Variants in ATP11A observed in about 807,000 individuals in gnomAD.
ATP11A encodes phospholipid-transporting ATPase IH.
A neutral mutation model predicts 154.4 loss-of-function variants in ATP11A; 81 were observed. The observed-to-expected ratio is 0.52, with a 90% CI of 0.44 to 0.63. The LOEUF is 0.63. Among genes scored for constraint, ATP11A ranks in the 30% least tolerant of loss-of-function variants. The probability of loss-of-function intolerance (pLI) is 0.00; values close to 1 mark genes in which losing one functional copy is unlikely to be tolerated. For missense variants in ATP11A, 1,316 were observed against 1,474.3 expected (o/e 0.89, Z 1.76); for synonymous variants, 623 against 585.9 (o/e 1.06, Z -0.91).
chr13:112,700,314 G>A (rs1234554040), intron 1 of ATP11A, among the ~76,000 whole-genome samples: 1 of 152,182 alleles, frequency 6.6e-6, no homozygotes, highest in Non-Finnish European at 1.5e-5. Context: ...AGGCACCCGT[G>A]GTCCGTGCTG....
intron 16 of ATP11A, among the ~76,000 whole-genome samples, chr13:112,839,024 A>G (rs1017058881): frequency 3.4e-4 from 51 of 152,114 alleles, no homozygotes; most frequent in African/African-American, 1.2e-3. Flanking sequence ...CAGCCCCAAC[A>G]GGGGCCTCCC....
At chr13:112,715,771 GT>G (rs1410926348) in intron 1 of ATP11A, among the ~76,000 whole-genome samples, 1 of 151,886 alleles carries the variant, frequency 6.6e-6, no homozygotes, top group Non-Finnish European at 1.5e-5. Flanking sequence ...ATTCGCACCT[GT>G]TTCTGTGTTG....
At chr13:112,782,824 A>G (rs1424272433) in intron 1 of ATP11A, among the ~76,000 whole-genome samples, 2 of 152,212 alleles carry the variant, frequency 1.3e-5, no homozygotes, top group Non-Finnish European at 2.9e-5. Context: ...CCACGACCCA[A>G]GGTCGCGCTG....
intron 5 of ATP11A, among the ~76,000 whole-genome samples, chr13:112,815,879 T>C (rs929010953): frequency 6.6e-6 from 1 of 152,216 alleles, no homozygotes; most frequent in Non-Finnish European, 1.5e-5. Context: ...GTGTTTTTGC[T>C]GCGGAAGTTA....
At position 112,881,863 on chromosome 13, in the gene ATP11A, T is replaced by C. The variant is rs2080894388; in HGVS notation, c.*10-13T>C. The C allele has an allele frequency of 1.5e-6, 2 of 1,367,622 alleles. No individual in the cohort carries two copies. The highest frequency in any genetic ancestry group is 1.9e-5 in the Admixed American group (1 of 52,572). The allele number at this position is 1,367,622 out of a possible 1,614,324, so 84.7% of individuals were successfully genotyped here. On this transcript the variant is annotated splice_polypyrimidine_tract_variant and intron_variant, in intron 29 of 29. Transcript: ENST00000375645. ...ACCGCGACTCAGAATTCACCCCTCT[T>C]GCCTCTCTGCAGAGCCCAGGCTACC...
At chr13:112,775,288 C>T (rs1480086643) in intron 1 of ATP11A, among the ~76,000 whole-genome samples, 2 of 152,272 alleles carry the variant, frequency 1.3e-5, no homozygotes, top group African/African-American at 2.4e-5. Flanking sequence ...CAGCGCCCCT[C>T]TCTGCTGAAG....
At chr13:112,805,241 G>A (rs368971566) in intron 3 of ATP11A, among the ~76,000 whole-genome samples, 195 bp downstream of exon 3, 10 of 152,312 alleles carry the variant, frequency 6.6e-5, no homozygotes, top group East Asian at 1.9e-4. Flanking sequence ...AACTACACAC[G>A]ACGCTACTTT....
chr13:112,779,139 A>G (rs2077430576), intron 1 of ATP11A, among the ~76,000 whole-genome samples: 1 of 108,628 alleles, frequency 9.2e-6, no homozygotes, highest in Non-Finnish European at 1.8e-5. Context: ...CGCTGGAGTG[A>G]GTAGCCGCTG....
At chr13:112,765,158 C>T (rs1299203232) in intron 1 of ATP11A, among the ~76,000 whole-genome samples, 8 of 125,780 alleles carry the variant, frequency 6.4e-5, no homozygotes, top group Non-Finnish European at 1.0e-4. Flanking sequence ...CCCTCCCCCC[C>T]GCCCCGGCTC....
intron 6 of ATP11A, among the ~76,000 whole-genome samples, chr13:112,817,644 C>A (rs1037652345): frequency 6.6e-6 from 1 of 152,188 alleles, no homozygotes; most frequent in Non-Finnish European, 1.5e-5. Flanking sequence ...GCTGGTCAGG[C>A]TCAGATGAGT....
At position 112,875,929 on chromosome 13, in the gene ATP11A, A is replaced by G; in HGVS notation, c.3315A>G (p.Thr1105=). ...VLCRQLWPTA[T]ERVQTKSQCL... ...GCCGGCAGCTGTGGCCAACAGCAAC[A>G]GAGAGAGTCCAGGTACGGAGTGTCC... is the stretch of plus-strand genomic sequence containing the variant. The change falls in exon 28 of 30, where the codon ACA becomes ACG. Residue 1105 remains threonine (T), a synonymous_variant. Coordinates refer to ENST00000375645, the MANE Select transcript of ATP11A (RefSeq NM_015205.3). The surrounding 1 kb of genome is among the most constrained non-coding windows in gnomAD (Gnocchi z 4.1). The G allele has an allele frequency of 6.2e-7, 1 of 1,611,686 alleles. No homozygotes were observed. Among genetic ancestry groups the G allele is most frequent in the Non-Finnish European group, 8.5e-7 (1 of 1,179,978 alleles).
chr13:112,697,521 G>A lies in ATP11A; in HGVS notation c.39+7066G>A, dbSNP rs886724879. Among the ~76,000 whole-genome samples the A allele has an allele frequency of 2.6e-5, 4 of 152,168 alleles. No individual in the cohort carries two copies. The highest frequency in any genetic ancestry group is 9.7e-5 in the African/African-American group (4 of 41,438). On this transcript the variant is annotated intron_variant, in intron 1 of 29. Transcript: ENST00000375645. The surrounding 1 kb of genome is among the most constrained non-coding windows in gnomAD (Gnocchi z 4.0). ...CTGTCCCCAGAGCCTGGTGTCCAGAGCCAGAGTTCCGAGGGCCTCCTCATA... is the reference window on the plus strand; with the variant it reads ...CTGTCCCCAGAGCCTGGTGTCCAGAACCAGAGTTCCGAGGGCCTCCTCATA...
At chr13:112,719,317 A>G (rs544082870) in intron 1 of ATP11A, among the ~76,000 whole-genome samples, 1 of 152,320 alleles carries the variant, frequency 6.6e-6, no homozygotes, top group African/African-American at 2.4e-5. Context: ...AAAAGACTCA[A>G]TGCCTTGCAT....
chr13:112,834,517 T>C, intron 14 of ATP11A, 72 bp from the exon 15 acceptor site: 1 of 995,482 alleles, frequency 1.0e-6, no homozygotes, highest in South Asian at 1.4e-5. Flanking sequence ...TACCAAAATA[T>C]AAAGCAAATA....
intron 1 of ATP11A, among the ~76,000 whole-genome samples, chr13:112,742,199 A>G (rs2139756771): frequency 6.6e-6 from 1 of 152,350 alleles, no homozygotes; most frequent in Non-Finnish European, 1.5e-5. Flanking sequence ...GGTTTTTAAA[A>G]TAAGTGCAGG....
intron 29 of ATP11A, chr13:112,881,296 G>T: frequency 1.0e-6 from 1 of 998,966 alleles, no homozygotes; most frequent in Non-Finnish European, 1.2e-6. Flanking sequence ...AGCCATGCAG[G>T]CCCCATCCGT....
chr13:112,699,482 CG>C (rs1886256170), intron 1 of ATP11A, among the ~76,000 whole-genome samples: 1 of 152,146 alleles, frequency 6.6e-6, no homozygotes, highest in African/African-American at 2.4e-5. Flanking sequence ...AAATTTCCCC[CG>C]GCTGTGGCTG....
intron 25 of ATP11A, among the ~76,000 whole-genome samples, chr13:112,863,649 A>G (rs2080205194): frequency 2.1e-5 from 3 of 145,580 alleles, no homozygotes; most frequent in African/African-American, 7.8e-5. Flanking sequence ...CAGCCCATGC[A>G]GCTTCCCAGC....
At chr13:112,794,203 G>A (rs2077936810) in intron 2 of ATP11A, among the ~76,000 whole-genome samples, 1 of 152,150 alleles carries the variant, frequency 6.6e-6, no homozygotes. Flanking sequence ...GATTGAGGAC[G>A]TCTACTGATT....
Sources: gnomAD v4.1 joint callset for allele counts (sites outside exome capture counted in the v4.1 genomes callset) on GRCh38, gnomAD v4.1.1 for gene constraint, Gnocchi (gnomAD v3.1) non-coding constraint, MANE v1.5 for transcripts, NCBI Gene and HGNC (gene_info 2026-07-23, HGNC 2026-07-21) for gene names.